The following GABRR2 variants were observed in gnomAD, a reference collection of about 807,000 sequenced individuals.
GABRR2 encodes the protein gamma-aminobutyric acid type A receptor subunit rho2, also known as gamma-aminobutyric acid receptor subunit rho-2.
A neutral mutation model predicts 47.0 loss-of-function variants in GABRR2; 36 were observed. The observed-to-expected ratio is 0.77, with a 90% CI of 0.59 to 1.01. The LOEUF is 1.01. Among genes scored for constraint, GABRR2 ranks in the 50% least tolerant of loss-of-function variants. The pLI, the probability that GABRR2 is intolerant of heterozygous loss-of-function variation, is 0.00. For synonymous variants in GABRR2, 204 were observed against 227.5 expected, an observed-to-expected ratio of 0.90 and a Z score of 0.93; for missense variants, 587 against 594.6, an observed-to-expected ratio of 0.99 and a Z score of 0.13.
chr6:89,309,470 T>C (rs985852280), intron 1 of GABRR2, among the ~76,000 whole-genome samples: 1 of 152,080 alleles, frequency 6.6e-6, no homozygotes, highest in African/African-American at 2.4e-5. Flanking sequence ...AGAAAACCCA[T>C]CTAAACTCCA....
At chr6:89,300,596 C>G (rs1052119931) in intron 1 of GABRR2, among the ~76,000 whole-genome samples, 7 of 151,942 alleles carry the variant, frequency 4.6e-5, no homozygotes, top group African/African-American at 1.7e-4. Flanking sequence ...TCTGTGTACA[C>G]AAACTAGAAA....
chr6:89,299,676 TGTGCCAGAGG>T, intron 2 of GABRR2, 73 bp downstream of exon 2: 1 of 873,052 alleles, frequency 1.1e-6, no homozygotes, highest in South Asian at 1.4e-5. Context: ...GAGGAAGCGC[TGTGCCAGAGG>T]GAGCCAGAGA....
intron 2 of GABRR2, among the ~76,000 whole-genome samples, chr6:89,272,028 A>T (rs1034185341): frequency 6.6e-6 from 1 of 152,184 alleles, no homozygotes; most frequent in African/African-American, 2.4e-5. Context: ...TGTAGGGTAG[A>T]GGTAATAATG....
intron 2 of GABRR2, among the ~76,000 whole-genome samples, chr6:89,298,829 G>A (rs1395640883): frequency 6.6e-6 from 1 of 152,166 alleles, no homozygotes; most frequent in Non-Finnish European, 1.5e-5. Flanking sequence ...GGAAGGTGAT[G>A]AGATCCTGAG....
rs764832612 is a variant in GABRR2, at chr6:89,264,604, G to A, written c.894C>T (p.Ile298=). ...RAVPARVSLG[I]TTVLTMTTII... is the part of the protein sequence containing the mutation. ...TGGTGGTCATGGTCAGCACCGTCGTGATACCTGCAACACCCGGCCTTAGTT... is the reference window on the plus strand; with the variant it reads ...TGGTGGTCATGGTCAGCACCGTCGTAATACCTGCAACACCCGGCCTTAGTT... The change falls in exon 8 of 9, where the codon ATC becomes ATT. Residue 298 remains isoleucine, a synonymous_variant. Transcript: ENST00000402938. 1 of 1,613,974 alleles carries A rather than the reference G, an allele frequency of 6.2e-7. No homozygotes were observed. Among genetic ancestry groups the A allele is most frequent in the Non-Finnish European group, 8.5e-7 (1 of 1,179,988 alleles).
intron 2 of GABRR2, among the ~76,000 whole-genome samples, chr6:89,295,925 A>G (rs1037330253): frequency 7.2e-5 from 11 of 152,004 alleles, no homozygotes; most frequent in Non-Finnish European, 1.5e-4. Context: ...TTTGTCAAAG[A>G]TCAGATGGTT....
chr6:89,289,917 G>A (rs1450127112), intron 2 of GABRR2, among the ~76,000 whole-genome samples: 1 of 152,162 alleles, frequency 6.6e-6, no homozygotes, highest in Non-Finnish European at 1.5e-5. Flanking sequence ...AAGGGGAAGT[G>A]GGTGTGTGCA....
intron 2 of GABRR2, among the ~76,000 whole-genome samples, chr6:89,294,131 A>C (rs1402213620): frequency 8.0e-6 from 1 of 124,608 alleles, no homozygotes; most frequent in African/African-American, 3.3e-5. Flanking sequence ...AGTCTGGGGT[A>C]TAGTCTGAGC....
intron 2 of GABRR2, among the ~76,000 whole-genome samples, chr6:89,297,863 G>T (rs903080705): frequency 6.6e-6 from 1 of 152,076 alleles, no homozygotes; most frequent in Non-Finnish European, 1.5e-5. Context: ...GAAAAAAAAA[G>T]TGGTAGTTGT....
intron 2 of GABRR2, among the ~76,000 whole-genome samples, chr6:89,275,192 G>A (rs1257365118): frequency 6.6e-6 from 1 of 152,058 alleles, no homozygotes; most frequent in Non-Finnish European, 1.5e-5. Context: ...ATCAATCAAG[G>A]AATTCCAGTA....
At chr6:89,313,733 A>G (rs1166067190) in intron 1 of GABRR2, among the ~76,000 whole-genome samples, 2 of 152,184 alleles carry the variant, frequency 1.3e-5, no homozygotes, top group Non-Finnish European at 2.9e-5. Context: ...CCTGGCCAAC[A>G]TGGTGAAACC....
At chr6:89,264,332 G>A (rs1056948124) in intron 8 of GABRR2, 80 bp downstream of exon 8, 5 of 1,456,762 alleles carry the variant, frequency 3.4e-6, no homozygotes, top group South Asian at 1.3e-5. Context: ...TGCAACCCCT[G>A]CCTCTGCCCC....
At chr6:89,311,858 G>A (rs1359539119) in intron 1 of GABRR2, among the ~76,000 whole-genome samples, 4 of 152,190 alleles carry the variant, frequency 2.6e-5, no homozygotes, top group Non-Finnish European at 5.9e-5. Context: ...GGCCACATAC[G>A]CTAGATGGCG....
chr6:89,269,426 G>A (rs972907724), intron 3 of GABRR2, 192 bp from the exon 4 acceptor site: 23 of 585,798 alleles, frequency 3.9e-5, no homozygotes, highest in East Asian at 2.3e-4. Flanking sequence ...TGCATCATGC[G>A]CTTGGAGCCC....
At chr6:89,273,130 C>A (rs1004797386) in intron 2 of GABRR2, among the ~76,000 whole-genome samples, 8 of 152,032 alleles carry the variant, frequency 5.3e-5, no homozygotes, top group African/African-American at 1.7e-4. Context: ...TTAATTTTTC[C>A]CTCTCAGATA....
At chr6:89,274,034 G>C (rs1337725730) in intron 2 of GABRR2, among the ~76,000 whole-genome samples, 1 of 152,218 alleles carries the variant, frequency 6.6e-6, no homozygotes, top group African/African-American at 2.4e-5. Context: ...AGCTAGTTTT[G>C]GCTCAGGCAT....
rs1773628052 is a variant in GABRR2 at position 89,257,560 on chromosome 6, T to C, written c.*110A>G. The stretch of plus-strand genomic sequence containing the variant: ...ATGAGTGCTGCTCAGGGTGGTCCAG[T>C]AGCTGCTGCATTGTTTGGTGAGGGG... On this transcript the variant is annotated 3_prime_UTR_variant, in exon 9 of 9. Transcript: ENST00000402938. 2.3e-6 allele frequency: 2 copies of C among 869,032 alleles called. No homozygotes were observed. Among genetic ancestry groups the C allele is most frequent in the South Asian group, 3.5e-5 (2 of 56,936 alleles). 53.8% of individuals were successfully genotyped at this position (869,032 alleles called of 1,614,324 possible).
At chr6:89,263,886 A>G (rs1303880843) in intron 8 of GABRR2, among the ~76,000 whole-genome samples, 1 of 152,138 alleles carries the variant, frequency 6.6e-6, no homozygotes, top group Non-Finnish European at 1.5e-5. Context: ...TTAAAGAAAT[A>G]TATATAAGGT....
At chr6:89,263,950 A>G (rs762803593) in intron 8 of GABRR2, among the ~76,000 whole-genome samples, 2 of 152,218 alleles carry the variant, frequency 1.3e-5, no homozygotes, top group African/African-American at 4.8e-5. Flanking sequence ...TGATAAATAA[A>G]GGCACTTTTT....
Sources: gnomAD v4.1 joint callset for allele counts (sites outside exome capture counted in the v4.1 genomes callset) on GRCh38, gnomAD v4.1.1 for gene constraint, MANE v1.5 for transcripts, NCBI Gene and HGNC (gene_info 2026-07-23, HGNC 2026-07-21) for gene names.